The following UST variants were observed in gnomAD, a reference collection of about 807,000 sequenced individuals.
UST encodes the protein uronyl 2-sulfotransferase, also known as chondroitin sulfate 2-O-sulfotransferase.
In UST, 21 loss-of-function variants were observed where a neutral mutation model predicts 45.6. The ratio of observed to expected loss-of-function variants is 0.46; its 90% CI spans 0.33 to 0.66. The LOEUF is 0.66. Ranked by LOEUF, UST falls within the 30% of genes least tolerant of loss-of-function variation. UST has a pLI of 0.02. For synonymous variants in UST, 215 were observed against 200.6 expected (o/e 1.07, Z -0.61); for missense variants, 463 against 512.4 (o/e 0.90, Z 0.93).
chr6:148,992,543 G>A (rs538249596), intron 5 of UST, among the ~76,000 whole-genome samples: 11 of 152,186 alleles, frequency 7.2e-5, no homozygotes, highest in Non-Finnish European at 1.6e-4. Context: ...GAGAACCACT[G>A]TGCTAGATTA....
chr6:148,971,652 G>A (rs184408795), intron 5 of UST, among the ~76,000 whole-genome samples: 1 of 152,270 alleles, frequency 6.6e-6, no homozygotes, highest in East Asian at 1.9e-4. Flanking sequence ...AACACAGCAC[G>A]GAGGAAGAAC....
intron 1 of UST, among the ~76,000 whole-genome samples, chr6:148,756,026 GC>G (rs1223450969): frequency 2.3e-5 from 3 of 127,826 alleles, no homozygotes; most frequent in African/African-American, 9.3e-5. Flanking sequence ...CCCACGACAG[GC>G]CCCGGTGTGT....
At chr6:148,779,605 A>T (rs1645365938) in intron 1 of UST, among the ~76,000 whole-genome samples, 1 of 152,260 alleles carries the variant, frequency 6.6e-6, no homozygotes, top group Admixed American at 6.5e-5. Context: ...TCGTAAGGAC[A>T]AAATGAGATG....
chr6:148,926,324 T>G (rs1779813553), intron 2 of UST, among the ~76,000 whole-genome samples: 1 of 152,130 alleles, frequency 6.6e-6, no homozygotes, highest in African/African-American at 2.4e-5. Context: ...TGAATAAAAT[T>G]AGCAAAAAAT....
At chr6:149,036,741 A>G (rs774776564) in intron 7 of UST, among the ~76,000 whole-genome samples, 18 of 152,222 alleles carry the variant, frequency 1.2e-4, no homozygotes, top group Non-Finnish European at 1.9e-4. Context: ...GTAAAATTTC[A>G]AAAGCAAAAC....
intron 2 of UST, among the ~76,000 whole-genome samples, chr6:148,894,942 C>T (rs57230404): frequency 0.013 from 1,990 of 151,346 alleles, 32 homozygotes; most frequent in African/African-American, 0.045. Flanking sequence ...CTCAGCCTCC[C>T]GAGTAGCTGG....
chr6:148,876,656 T>C (rs1254327265), intron 1 of UST, among the ~76,000 whole-genome samples: 1 of 152,154 alleles, frequency 6.6e-6, no homozygotes, highest in African/African-American at 2.4e-5. Context: ...TAAGCGTGAT[T>C]GTGTCTGATT....
chr6:149,033,166 A>T (rs759751387), intron 7 of UST, among the ~76,000 whole-genome samples: 7 of 152,122 alleles, frequency 4.6e-5, no homozygotes, highest in Non-Finnish European at 8.8e-5. Flanking sequence ...GTCCCTGTCC[A>T]CCCCAGGAAT....
In UST at chr6:148,761,239, C is replaced by T. The variant is rs572654179; in HGVS notation, c.247+13562C>T. 5.9e-5 allele frequency among the ~76,000 whole-genome samples: 9 copies of T among 152,318 alleles called. No homozygotes were observed. In the East Asian group the frequency reaches 9.7e-4, roughly 16 times the overall value. On this transcript the variant is annotated intron_variant, in intron 1 of 7. Coordinates refer to ENST00000367463, the MANE Select transcript of UST (RefSeq NM_005715.3). ...GTTGATGGGTCCCCTGAGACGCCCT[C>T]TCTGCTCAGAACACAGCCAGTAAGC...
intron 3 of UST, among the ~76,000 whole-genome samples, chr6:148,947,578 G>A (rs1157329570): frequency 5.3e-5 from 8 of 152,156 alleles, no homozygotes; most frequent in Non-Finnish European, 2.9e-5. Flanking sequence ...GGAAAATCCC[G>A]CTGTCACCTG....
intron 1 of UST, among the ~76,000 whole-genome samples, chr6:148,793,335 C>T (rs912588561): frequency 1.1e-4 from 17 of 151,994 alleles, no homozygotes; most frequent in Non-Finnish European, 2.2e-4. Flanking sequence ...AAGAAACGTA[C>T]GCAAATCATA....
chr6:148,790,876 C>T lies in UST; in HGVS notation c.247+43199C>T, dbSNP rs1454021801. Among the ~76,000 whole-genome samples, 1 of 152,230 alleles carries T rather than the reference C, an allele frequency of 6.6e-6. No individual in the cohort carries two copies. Among genetic ancestry groups the T allele is most frequent in the African/African-American group, 2.4e-5 (1 of 41,460 alleles). On this transcript the variant is annotated intron_variant, in intron 1 of 7. Transcript: ENST00000367463. The surrounding 1 kb of genome is among the most constrained non-coding windows in gnomAD (Gnocchi z 4.2). Reference sequence around the variant, plus strand: ...GCAGCTGCATCGCAGTTTGCCTTCTCTCTCTGCCCGTTCCTGCGTCTCCAC... The same window carrying T: ...GCAGCTGCATCGCAGTTTGCCTTCTTTCTCTGCCCGTTCCTGCGTCTCCAC...
intron 2 of UST, among the ~76,000 whole-genome samples, chr6:148,905,250 C>T (rs1779334040): frequency 6.6e-6 from 1 of 152,196 alleles, no homozygotes; most frequent in South Asian, 2.1e-4. Context: ...TGGTCCCTGA[C>T]ACCCTGCGAA....
At chr6:149,049,923 TCTCTCTCTCACACACA>T (rs1309621742) in intron 7 of UST, among the ~76,000 whole-genome samples, 2 of 102,882 alleles carry the variant, frequency 1.9e-5, no homozygotes, top group African/African-American at 6.9e-5. Flanking sequence ...TCTCTCTCTC[TCTCTCTCTCACACACA>T]CACACACACA....
intron 1 of UST, among the ~76,000 whole-genome samples, chr6:148,802,532 G>A (rs1777073393): frequency 6.6e-6 from 1 of 152,154 alleles, no homozygotes; most frequent in Admixed American, 6.5e-5. Flanking sequence ...AGGGCTAAGG[G>A]CTTCAGAGAT....
chr6:148,805,161 C>A (rs575282913), intron 1 of UST, among the ~76,000 whole-genome samples: 1 of 152,126 alleles, frequency 6.6e-6, no homozygotes, highest in Non-Finnish European at 1.5e-5. Context: ...CATTTTTCTT[C>A]CCATATAGTT....
chr6:148,954,283 C>T (rs369105897), intron 4 of UST, among the ~76,000 whole-genome samples: 14 of 152,060 alleles, frequency 9.2e-5, no homozygotes, highest in Admixed American at 7.2e-4. Flanking sequence ...TTTTATTGCA[C>T]ATTTTTGTAC....
chr6:148,757,077 A>G (rs1776115172), intron 1 of UST, among the ~76,000 whole-genome samples: 1 of 152,208 alleles, frequency 6.6e-6, no homozygotes, highest in African/African-American at 2.4e-5. Flanking sequence ...AGCTCACTGC[A>G]GCCTCAACCT....
chr6:148,876,752 C>G (rs1469913380), intron 1 of UST, among the ~76,000 whole-genome samples: 3 of 151,794 alleles, frequency 2.0e-5, no homozygotes, highest in Non-Finnish European at 4.4e-5. Flanking sequence ...CTTCTTTATT[C>G]GTTTTGTTGT....
Sources: allele counts gnomAD v4.1 joint callset (sites outside exome capture counted in the v4.1 genomes callset), GRCh38; gene constraint gnomAD v4.1.1; non-coding constraint Gnocchi (gnomAD v3.1); transcripts MANE v1.5; gene names NCBI Gene and HGNC (gene_info 2026-07-23, HGNC 2026-07-21).